Variants in BCO1 observed in about 807,000 individuals in gnomAD.
BCO1 encodes beta-carotene oxygenase 1.
Under a neutral mutation model 56.3 loss-of-function variants are expected in BCO1, and 54 were observed. The observed-to-expected ratio is 0.96, with a 90% CI of 0.77 to 1.20. BCO1 has a LOEUF of 1.20. BCO1 is among the 50% of genes most tolerant of loss of function. The probability of loss-of-function intolerance (pLI) is 0.00; values close to 1 mark genes in which losing one functional copy is unlikely to be tolerated. For synonymous variants in BCO1, 318 were observed against 266.1 expected (o/e 1.20, Z -1.90); for missense variants, 801 against 690.9 (o/e 1.16, Z -1.79).
intron 5 of BCO1, 92 bp downstream of exon 5, chr16:81,264,879 G>A (rs917437205): frequency 7.0e-7 from 1 of 1,422,836 alleles, no homozygotes; most frequent in Non-Finnish European, 9.9e-7. Context: ...ACAAGATCCA[G>A]TGTGGTACTT....
chr16:81,258,443 C>G (rs770424041), intron 2 of BCO1, among the ~76,000 whole-genome samples: 2 of 152,200 alleles, frequency 1.3e-5, no homozygotes, highest in African/African-American at 2.4e-5. Flanking sequence ...TGGTTGTGTT[C>G]AATATCAAAC....
intron 7 of BCO1, among the ~76,000 whole-genome samples, chr16:81,274,746 C>T (rs535291871): frequency 2.0e-3 from 309 of 152,226 alleles, no homozygotes; most frequent in African/African-American, 7.1e-3. Flanking sequence ...GGCGTGGTGG[C>T]CCCTGCCTGT....
chr16:81,248,087 A>G (rs910353730), intron 2 of BCO1, among the ~76,000 whole-genome samples: 1 of 152,104 alleles, frequency 6.6e-6, no homozygotes, highest in African/African-American at 2.4e-5. Flanking sequence ...CACCTGCTCA[A>G]TAAGCATTTG....
chr16:81,256,721 C>T (rs570522062), intron 2 of BCO1, among the ~76,000 whole-genome samples: 1 of 152,060 alleles, frequency 6.6e-6, no homozygotes, highest in Non-Finnish European at 1.5e-5. Context: ...AACCTCGTCT[C>T]TACTAAAAAT....
chr16:81,242,390 G>A (rs1036165877), intron 1 of BCO1, among the ~76,000 whole-genome samples: 15 of 151,794 alleles, frequency 9.9e-5, no homozygotes, highest in Non-Finnish European at 1.6e-4. Context: ...CAGTAGTGAC[G>A]GGGTTTCACC....
intron 1 of BCO1, among the ~76,000 whole-genome samples, chr16:81,241,628 T>C (rs1905114897): frequency 6.6e-6 from 1 of 152,146 alleles, no homozygotes; most frequent in South Asian, 2.1e-4. Flanking sequence ...CTCAGGCGAT[T>C]CCAAAGGTAA....
chr16:81,272,441 T>C (rs187743776), intron 7 of BCO1, among the ~76,000 whole-genome samples: 1 of 152,360 alleles, frequency 6.6e-6, no homozygotes, highest in East Asian at 1.9e-4. Context: ...TACCTATTTA[T>C]GTATCGAAAC....
At chr16:81,266,235 T>G (rs1205481945) in intron 5 of BCO1, among the ~76,000 whole-genome samples, 1 of 152,104 alleles carries the variant, frequency 6.6e-6, no homozygotes, top group East Asian at 1.9e-4. Context: ...GGGGCTGGGA[T>G]CTTGGAGCAA....
chr16:81,260,022 G>T (rs1309922239), intron 3 of BCO1, among the ~76,000 whole-genome samples: 1 of 152,188 alleles, frequency 6.6e-6, no homozygotes, highest in Non-Finnish European at 1.5e-5. Flanking sequence ...CACATGGCTG[G>T]TGGGAAAGCG....
intron 5 of BCO1, 42 bp downstream of exon 5, chr16:81,264,829 G>C (rs917546796): frequency 1.2e-6 from 2 of 1,610,022 alleles, no homozygotes; most frequent in African/African-American, 2.7e-5. Flanking sequence ...AAACAACCAA[G>C]TGTGGCTTCT....
intron 6 of BCO1, among the ~76,000 whole-genome samples, chr16:81,269,584 C>G (rs1476438490): frequency 6.6e-6 from 1 of 152,182 alleles, no homozygotes; most frequent in Non-Finnish European, 1.5e-5. Context: ...TCTCCTGCCT[C>G]CACCTCCTGA....
chr16:81,244,399 T>C (rs1905275480), intron 1 of BCO1, among the ~76,000 whole-genome samples: 1 of 137,398 alleles, frequency 7.3e-6, no homozygotes, highest in Non-Finnish European at 1.7e-5. Context: ...CAACATGAAA[T>C]CAATATTTAA....
At chr16:81,260,340 G>A (rs907813605) in intron 3 of BCO1, among the ~76,000 whole-genome samples, 3 of 151,074 alleles carry the variant, frequency 2.0e-5, no homozygotes, top group Non-Finnish European at 4.4e-5. Flanking sequence ...TGTAGAAAGA[G>A]CATGTTATAA....
Position 81,238,750 on chromosome 16 carries a change from A to G in BCO1, c.-159A>G. On this transcript the variant is annotated 5_prime_UTR_variant, in exon 1 of 11. Coordinates refer to ENST00000258168, the MANE Select transcript of BCO1 (RefSeq NM_017429.3). ...CAAGTGAGAGCCAGCCAAAAAGGAA[A>G]AAGCAAAGGCAGAAACGGCATCAGG... 1 of 726,296 alleles carries G rather than the reference A, an allele frequency of 1.4e-6. No individual in the cohort carries two copies. 45.0% of individuals were successfully genotyped at this position (726,296 alleles called of 1,614,324 possible).
intron 3 of BCO1, among the ~76,000 whole-genome samples, chr16:81,261,050 A>C (rs1457076466): frequency 6.6e-6 from 1 of 152,238 alleles, no homozygotes; most frequent in African/African-American, 2.4e-5. Flanking sequence ...GGGCTAGCTC[A>C]GAGCAAGCAC....
intron 4 of BCO1, among the ~76,000 whole-genome samples, chr16:81,264,258 G>A (rs978774388): frequency 5.3e-5 from 8 of 152,204 alleles, no homozygotes; most frequent in African/African-American, 1.9e-4. Flanking sequence ...TCTCTGCCCA[G>A]GTCATTGCTC....
chr16:81,288,359 C>G (rs989617288), intron 10 of BCO1, among the ~76,000 whole-genome samples: 1 of 152,142 alleles, frequency 6.6e-6, no homozygotes, highest in Admixed American at 6.5e-5. Flanking sequence ...AACTCCTGGG[C>G]TCAAGTGATC....
At chr16:81,261,176 C>T (rs1906460150) in intron 3 of BCO1, among the ~76,000 whole-genome samples, 1 of 152,104 alleles carries the variant, frequency 6.6e-6, no homozygotes, top group South Asian at 2.1e-4. Flanking sequence ...AGCAGGATCA[C>T]GAATTTGAAA....
At chr16:81,287,983 G>T (rs1908278502) in intron 10 of BCO1, among the ~76,000 whole-genome samples, 1 of 152,128 alleles carries the variant, frequency 6.6e-6, no homozygotes, top group Admixed American at 6.5e-5. Context: ...TGGAGATCAA[G>T]TTCATACCAC....
Sources: allele counts gnomAD v4.1 joint callset (sites outside exome capture counted in the v4.1 genomes callset), GRCh38; gene constraint gnomAD v4.1.1; transcripts MANE v1.5; gene names NCBI Gene and HGNC (gene_info 2026-07-23, HGNC 2026-07-21).